SLC39A10: variants seen among roughly 807,000 people sequenced by gnomAD.
The protein encoded by SLC39A10 is solute carrier family 39 member 10, also known as zinc transporter ZIP10.
A neutral mutation model predicts 65.1 loss-of-function variants in SLC39A10; 13 were observed. The ratio of observed to expected loss-of-function variants is 0.20; its 90% confidence interval spans 0.13 to 0.32. The LOEUF (loss-of-function observed/expected upper bound fraction) is 0.32. Ranked by LOEUF, SLC39A10 falls within the 10% of genes least tolerant of loss-of-function variation. The pLI is 1.00. For missense variants in SLC39A10, 831 were observed against 1,018.4 expected (o/e 0.82, Z 2.50); for synonymous variants, 321 against 342.2 (o/e 0.94, Z 0.68).
chr2:195,671,931 G>A (rs1359753798), intron 1 of SLC39A10, among the ~76,000 whole-genome samples: 1 of 151,936 alleles, frequency 6.6e-6, no homozygotes, highest in African/African-American at 2.4e-5. Flanking sequence ...GACTGGAGCG[G>A]AGCTGCACTC....
At chr2:195,616,534 T>G (rs565281050) in intron 2 of SLC39A10, among the ~76,000 whole-genome samples, 49 of 151,498 alleles carry the variant, frequency 3.2e-4, no homozygotes, top group Non-Finnish European at 6.2e-4. Context: ...CTCGATCTCT[T>G]GACCTCATGA....
At chr2:195,712,382 T>C (rs2105819259) in intron 5 of SLC39A10, among the ~76,000 whole-genome samples, 1 of 152,354 alleles carries the variant, frequency 6.6e-6, no homozygotes, top group East Asian at 1.9e-4. Flanking sequence ...TGGAGCAGAA[T>C]GCTCATACAG....
chr2:195,620,626 T>C (rs1415110392), intron 2 of SLC39A10, among the ~76,000 whole-genome samples: 2 of 151,996 alleles, frequency 1.3e-5, no homozygotes, highest in African/African-American at 2.4e-5. Flanking sequence ...AAGTTCCTGA[T>C]CCCCAGGAAA....
At chr2:195,695,129 A>G (rs1182132589) in intron 3 of SLC39A10, among the ~76,000 whole-genome samples, 2 of 152,138 alleles carry the variant, frequency 1.3e-5, no homozygotes, top group Non-Finnish European at 2.9e-5. Context: ...CTCAGTGCTC[A>G]AGCCAGTTGG....
chr2:195,690,257 A>G (rs1690687702), intron 3 of SLC39A10, among the ~76,000 whole-genome samples: 1 of 151,002 alleles, frequency 6.6e-6, no homozygotes, highest in African/African-American at 2.4e-5. Flanking sequence ...TATATACCAC[A>G]TTTTGCTTAT....
chr2:195,680,997 A>G lies in SLC39A10; in HGVS notation c.955A>G (p.Asn319Asp), dbSNP rs1486618794. The change falls in exon 2 of 10, where the codon AAT (asparagine) becomes GAT (aspartate). Residue 319 changes from asparagine (N) to aspartate (D), a missense_variant. By Grantham distance (23) the Asn-to-Asp change is conservative. This residue lies in a region of SLC39A10 where 446 missense variants were observed against 499.2 expected (regional missense o/e 0.89). Coordinates refer to ENST00000359634, the MANE Select transcript of SLC39A10 (RefSeq NM_020342.3). ...RKREAPHVKN[N>D]AIISLRKDLN... The stretch of plus-strand genomic sequence containing the variant: ...GAGAGAAGCACCACATGTTAAAAAT[A>G]ATGCAATAATTTCTTTGAGAAAAGA... 1 of 1,613,310 alleles carries G rather than the reference A, an allele frequency of 6.2e-7. No individual in the cohort carries two copies. The highest frequency in any genetic ancestry group is 8.5e-7 in the Non-Finnish European group (1 of 1,179,586).
chr2:195,730,475 A>G (rs919304778), intron 9 of SLC39A10, among the ~76,000 whole-genome samples: 17 of 152,214 alleles, frequency 1.1e-4, no homozygotes, highest in African/African-American at 3.9e-4. Flanking sequence ...GATGACAGGC[A>G]TGTGCCATCA....
intron 2 of SLC39A10, among the ~76,000 whole-genome samples, chr2:195,647,768 G>T (rs1302201378): frequency 2.6e-5 from 4 of 151,766 alleles, no homozygotes; most frequent in Non-Finnish European, 5.9e-5. Context: ...GTTCACCCTT[G>T]TATCAGTTAC....
At chr2:195,659,915 G>C (rs941258845) in intron 1 of SLC39A10, among the ~76,000 whole-genome samples, 1 of 151,918 alleles carries the variant, frequency 6.6e-6, no homozygotes, top group Non-Finnish European at 1.5e-5. Flanking sequence ...CTGGGCCTTT[G>C]GGGGGGATAC....
At chr2:195,676,294 A>G (rs530647555) in intron 1 of SLC39A10, among the ~76,000 whole-genome samples, 32 of 151,194 alleles carry the variant, frequency 2.1e-4, no homozygotes, top group Admixed American at 1.2e-3. Flanking sequence ...AGTTCAAGCA[A>G]TTCTCCTGCC....
chr2:195,666,394 G>C (rs2105741941), intron 1 of SLC39A10, among the ~76,000 whole-genome samples: 1 of 152,222 alleles, frequency 6.6e-6, no homozygotes, highest in South Asian at 2.1e-4. Context: ...AAAAGGGAAG[G>C]GTGAAAATGC....
chr2:195,728,077 C>A lies in SLC39A10; in HGVS notation c.2147-82C>A, dbSNP rs1692309170. 3.2e-6 allele frequency: 4 copies of A among 1,236,106 alleles called. No individual in the cohort carries two copies. The highest frequency in any genetic ancestry group is 2.1e-5 in the Admixed American group (1 of 46,516). The allele number at this position is 1,236,106 out of a possible 1,614,324, so 76.6% of individuals were successfully genotyped here. A position where few individuals can be genotyped will look rare whatever the true frequency, so the allele number is the denominator to read the frequency against. On this transcript the variant is annotated intron_variant, in intron 8 of 9. Transcript: ENST00000359634. This position sits in a 1 kb window ranked among gnomAD's most constrained non-coding sequence, Gnocchi z 4.4. ...ATTAAAAGTGTGTATCTTTTTAATGCTGATTTTATTTGTTTTCTCCTTTCA... is the reference window on the plus strand; with the variant it reads ...ATTAAAAGTGTGTATCTTTTTAATGATGATTTTATTTGTTTTCTCCTTTCA...
chr2:195,629,330 G>T (rs183279454), intron 2 of SLC39A10, among the ~76,000 whole-genome samples: 10 of 148,496 alleles, frequency 6.7e-5, no homozygotes, highest in Non-Finnish European at 1.2e-4. Context: ...AGAGGTAGAG[G>T]TTGCAGTGAG....
rs535688379 is a variant in SLC39A10, at chr2:195,625,876, C to T, written c.-12+19643C>T. ...GGCAGGAGAGCAGTGGCACAATCTCCAGGGATCGAGCAATTCTCCCACGTT... is the reference window on the plus strand; with the variant it reads ...GGCAGGAGAGCAGTGGCACAATCTCTAGGGATCGAGCAATTCTCCCACGTT... On this transcript the variant is annotated intron_variant, in intron 2 of 2. Transcript: ENST00000458054. Among the ~76,000 whole-genome samples the T allele has an allele frequency of 9.8e-5, 15 of 152,302 alleles. No individual in the cohort carries two copies. The South Asian group carries it at 2.3e-3, about 23-fold the overall frequency.
chr2:195,691,968 A>G (rs1483781477), intron 3 of SLC39A10, among the ~76,000 whole-genome samples: 1 of 151,736 alleles, frequency 6.6e-6, no homozygotes, highest in East Asian at 1.9e-4. Flanking sequence ...GGTGTTTCCA[A>G]TGTTCTGGTT....
At chr2:195,674,521 C>A in intron 1 of SLC39A10, 1 of 923,120 alleles carries the variant, frequency 1.1e-6, no homozygotes, top group African/African-American at 1.8e-5. Flanking sequence ...AGGTGATCCA[C>A]CCGCCTCGGC....
upstream of SLC39A10, chr2:195,657,068 C>A (rs1186662946): frequency 6.6e-6 from 1 of 152,338 alleles, no homozygotes; most frequent in East Asian, 1.9e-4. Context: ...AGCTAGGTGG[C>A]GCGTGTACGC....
At chr2:195,643,768 T>G (rs1490836518) in intron 2 of SLC39A10, among the ~76,000 whole-genome samples, 1 of 152,200 alleles carries the variant, frequency 6.6e-6, no homozygotes, top group East Asian at 1.9e-4. Flanking sequence ...CTACCATCAT[T>G]CAACCATGGG....
At chr2:195,623,022 T>C (rs556857432) in intron 2 of SLC39A10, among the ~76,000 whole-genome samples, 1 of 149,696 alleles carries the variant, frequency 6.7e-6, no homozygotes, top group East Asian at 1.9e-4. Flanking sequence ...CATTCATGTC[T>C]GGGCTTGAAG....
Sources: gnomAD v4.1 joint callset for allele counts (sites outside exome capture counted in the v4.1 genomes callset) on GRCh38, gnomAD v4.1.1 for gene constraint, gnomAD v4.1.1 regional missense constraint, Gnocchi (gnomAD v3.1) non-coding constraint, MANE v1.5 for transcripts, NCBI Gene and HGNC (gene_info 2026-07-23, HGNC 2026-07-21) for gene names.